The following ADAMTS20 variants were observed in gnomAD, a reference collection of about 807,000 sequenced individuals.
ADAMTS20 encodes the protein ADAM metallopeptidase with thrombospondin type 1 motif 20.
A neutral mutation model predicts 260.1 loss-of-function variants in ADAMTS20; 225 were observed. That is an observed-to-expected ratio of 0.87 (90% CI 0.78 to 0.97). The LOEUF is 0.97. ADAMTS20 is among the 50% of genes least tolerant of loss of function. The probability of loss-of-function intolerance (pLI) is 0.00; values close to 1 mark genes in which losing one functional copy is unlikely to be tolerated. For missense variants in ADAMTS20, 2,400 were observed against 2,337.7 expected, an observed-to-expected ratio of 1.03 and a Z score of -0.55; for synonymous variants, 802 against 769.5, an observed-to-expected ratio of 1.04 and a Z score of -0.70.
chr12:43,479,037 A>G (rs1942401944), intron 7 of ADAMTS20, among the ~76,000 whole-genome samples: 1 of 152,168 alleles, frequency 6.6e-6, no homozygotes. Context: ...ATTGTAGAGT[A>G]TTTAGTGTCT....
chr12:43,450,896 A>G (rs985180357), intron 14 of ADAMTS20, among the ~76,000 whole-genome samples: 1 of 152,146 alleles, frequency 6.6e-6, no homozygotes, highest in Non-Finnish European at 1.5e-5. Context: ...AACATCCACT[A>G]AAAATAGAAC....
chr12:43,500,898 G>A (rs1942749121), intron 4 of ADAMTS20, among the ~76,000 whole-genome samples: 1 of 151,972 alleles, frequency 6.6e-6, no homozygotes, highest in Non-Finnish European at 1.5e-5. Context: ...AATGAACTGG[G>A]ATCTAGCTAA....
Position 43,383,722 on chromosome 12 carries a change from T to G in ADAMTS20, c.4633A>C (p.Thr1545Pro). The stretch of plus-strand genomic sequence containing the variant: ...TGTGAATCTTTTCTCTCACATGATG[T>G]TGAACACTAGAAATGCAATAACCAA... ...GMERGRLNCSTSCERKDSHQR... is the reference protein window; with the variant it reads ...GMERGRLNCSPSCERKDSHQR... Residue 1545 changes from threonine to proline, a missense_variant, in exon 31 of 39, where the codon ACA (threonine) becomes CCA (proline). Coordinates refer to ENST00000389420, the MANE Select transcript of ADAMTS20 (RefSeq NM_025003.5). 6.2e-7 allele frequency: 1 copy of G among 1,613,854 alleles called. No homozygotes were observed. Among genetic ancestry groups the G allele is most frequent in the Non-Finnish European group, 8.5e-7 (1 of 1,179,818 alleles).
At chr12:43,370,472 T>C (rs1455900083) in intron 36 of ADAMTS20, among the ~76,000 whole-genome samples, 1 of 152,236 alleles carries the variant, frequency 6.6e-6, no homozygotes, top group East Asian at 1.9e-4. Flanking sequence ...TTGTGGATTA[T>C]GCTGGGGCAG....
At chr12:43,380,440 A>G (rs1343733307) in intron 31 of ADAMTS20, among the ~76,000 whole-genome samples, 1 of 152,142 alleles carries the variant, frequency 6.6e-6, no homozygotes, top group African/African-American at 2.4e-5. Context: ...AGACAGGGAA[A>G]TTGGACAAGG....
intron 7 of ADAMTS20, among the ~76,000 whole-genome samples, chr12:43,469,373 G>A (rs1041648451): frequency 2.6e-5 from 4 of 152,080 alleles, no homozygotes; most frequent in African/African-American, 9.7e-5. Flanking sequence ...ATGTGCTGTT[G>A]AAAGATGAAG....
intron 14 of ADAMTS20, among the ~76,000 whole-genome samples, chr12:43,449,716 A>C (rs1015071213): frequency 3.9e-5 from 6 of 152,158 alleles, no homozygotes; most frequent in African/African-American, 1.4e-4. Context: ...ATATCCTTTC[A>C]ATTAACAGGA....
chr12:43,484,123 A>G (rs1404041829), intron 7 of ADAMTS20, among the ~76,000 whole-genome samples: 2 of 152,182 alleles, frequency 1.3e-5, no homozygotes, highest in Non-Finnish European at 2.9e-5. Flanking sequence ...ACAATAAACT[A>G]TAAACATTAA....
intron 3 of ADAMTS20, among the ~76,000 whole-genome samples, chr12:43,512,429 T>A (rs956790896): frequency 5.3e-5 from 8 of 151,436 alleles, no homozygotes; most frequent in Non-Finnish European, 1.2e-4. Context: ...ACTAATAAAA[T>A]ATAAACCTGA....
Position 43,532,154 on chromosome 12 carries a change from T to C in ADAMTS20, c.495A>G (p.Glu165=), listed in dbSNP as rs1351505323. ...CATTCCCATCTGCCTTCATTATAGG[T>C]TCTAAGAAATATTCACCGTTCTGTC... The part of the protein sequence containing the change: ...FKGQNGEYFL[E]PIMKADGNEY... The change falls in exon 3 of 39, where the codon GAA becomes GAG. Residue 165 remains glutamate, a synonymous_variant. Transcript: ENST00000389420. The C allele has an allele frequency of 3.1e-6, 5 of 1,611,396 alleles. No individual in the cohort carries two copies. Among genetic ancestry groups the C allele is most frequent in the Non-Finnish European group, 4.2e-6 (5 of 1,178,890 alleles).
intron 3 of ADAMTS20, among the ~76,000 whole-genome samples, chr12:43,531,521 A>G (rs1943220105): frequency 6.6e-6 from 1 of 152,154 alleles, no homozygotes; most frequent in Non-Finnish European, 1.5e-5. Context: ...TGTTTAAAAG[A>G]TCATGTCCTT....
chr12:43,493,237 T>C lies in ADAMTS20; in HGVS notation c.884A>G (p.Lys295Arg). 4 of 1,553,428 alleles carry C rather than the reference T, an allele frequency of 2.6e-6. No homozygotes were observed. Among genetic ancestry groups the C allele is most frequent in the Non-Finnish European group, 3.5e-6 (4 of 1,147,932 alleles). ...TLMSIVATIYKDPSIGNLIHI... is the reference protein window; with the variant it reads ...TLMSIVATIYRDPSIGNLIHI... ...TATCAAATTTCCAATACTTGGATCTTTGTAGATTGTTGCAACCTGCATGTA... is the reference window on the plus strand; with the variant it reads ...TATCAAATTTCCAATACTTGGATCTCTGTAGATTGTTGCAACCTGCATGTA... Residue 295 changes from lysine to arginine, a missense_variant, in exon 5 of 39, where the codon AAA (lysine) becomes AGA (arginine). Coordinates refer to ENST00000389420, the MANE Select transcript of ADAMTS20 (RefSeq NM_025003.5).
At chr12:43,439,546 G>T in intron 18 of ADAMTS20, 76 bp downstream of exon 18, 1 of 1,522,252 alleles carries the variant, frequency 6.6e-7, no homozygotes, top group Non-Finnish European at 8.8e-7. Flanking sequence ...TCCATAGGCA[G>T]CCAAGACTCA....
chr12:43,445,941 A>G (rs1011305402), intron 15 of ADAMTS20, among the ~76,000 whole-genome samples: 4 of 151,376 alleles, frequency 2.6e-5, no homozygotes, highest in African/African-American at 9.7e-5. Flanking sequence ...TCATAAAAAC[A>G]AAAAAAAATT....
chr12:43,527,113 C>T (rs2137494101), intron 3 of ADAMTS20, among the ~76,000 whole-genome samples: 1 of 152,246 alleles, frequency 6.6e-6, no homozygotes, highest in East Asian at 1.9e-4. Context: ...TTCCTGGAAC[C>T]ATACAACCAT....
intron 2 of ADAMTS20, among the ~76,000 whole-genome samples, chr12:43,535,289 G>A (rs1166221057): frequency 2.6e-5 from 4 of 152,066 alleles, no homozygotes; most frequent in African/African-American, 4.8e-5. Flanking sequence ...TTGTTAAACC[G>A]TGAAAGCTAT....
intron 28 of ADAMTS20, among the ~76,000 whole-genome samples, chr12:43,415,357 C>T (rs1246026734): frequency 6.6e-6 from 1 of 150,862 alleles, no homozygotes; most frequent in Admixed American, 6.6e-5. Context: ...TAAAAGTTTG[C>T]TTAAAAAAAA....
intron 14 of ADAMTS20, among the ~76,000 whole-genome samples, chr12:43,447,355 T>C (rs1487899152): frequency 6.6e-6 from 1 of 152,068 alleles, no homozygotes; most frequent in African/African-American, 2.4e-5. Flanking sequence ...AATCAACAAA[T>C]GCAATTCATC....
chr12:43,409,330 C>A (rs1016804082), intron 28 of ADAMTS20, among the ~76,000 whole-genome samples: 1 of 151,736 alleles, frequency 6.6e-6, no homozygotes, highest in African/African-American at 2.4e-5. Context: ...AGGCCAGGCG[C>A]GGTGGCTCAC....
Sources: allele counts gnomAD v4.1 joint callset (sites outside exome capture counted in the v4.1 genomes callset), GRCh38; gene constraint gnomAD v4.1.1; transcripts MANE v1.5; gene names NCBI Gene and HGNC (gene_info 2026-07-23, HGNC 2026-07-21).